Variants in PCDHGB2 observed in about 807,000 individuals in gnomAD.
PCDHGB2 encodes the protein protocadherin gamma-B2.
Under a neutral mutation model 59.3 loss-of-function variants are expected in PCDHGB2, and 55 were observed. The observed-to-expected ratio is 0.93, with a 90% CI of 0.75 to 1.16. PCDHGB2 has a LOEUF of 1.16. PCDHGB2 is among the 50% of genes most tolerant of loss of function. PCDHGB2 has a pLI of 0.00. For synonymous variants in PCDHGB2, 516 were observed against 512.0 expected (o/e 1.01, Z -0.11); for missense variants, 1,228 against 1,198.5 (o/e 1.02, Z -0.36).
intron 1 of PCDHGB2, among the ~76,000 whole-genome samples, chr5:141,460,934 G>GTA (rs2099001529): frequency 2.7e-5 from 4 of 149,622 alleles, no homozygotes; most frequent in African/African-American, 9.9e-5. Context: ...ATGTGTGTGT[G>GTA]TATATATATG....
intron 1 of PCDHGB2, among the ~76,000 whole-genome samples, chr5:141,435,099 TA>T (rs892317840): frequency 2.0e-5 from 3 of 152,260 alleles, no homozygotes; most frequent in African/African-American, 7.2e-5. Context: ...TCTGTTTATC[TA>T]GGGGGGAGAA....
chr5:141,485,151 T>G lies in PCDHGB2; in HGVS notation c.2422-9656T>G. The G allele has an allele frequency of 2.5e-6, 4 of 1,584,876 alleles. No individual in the cohort carries two copies. Among genetic ancestry groups the G allele is most frequent in the Non-Finnish European group, 3.5e-6 (4 of 1,156,528 alleles). ...GCTTCATCCGCGTCTCAGGAGCAAG[T>G]AGAGAATTAGCGGGCGGCAGCAATG... On this transcript the variant is annotated intron_variant, in intron 1 of 3. Coordinates refer to ENST00000522605, the MANE Select transcript of PCDHGB2 (RefSeq NM_018923.3). The surrounding 1 kb of genome is among the most constrained non-coding windows in gnomAD (Gnocchi z 5.7).
At chr5:141,404,287 C>A in intron 1 of PCDHGB2, 1 of 1,613,976 alleles carries the variant, frequency 6.2e-7, no homozygotes, top group Non-Finnish European at 8.5e-7. Flanking sequence ...TGACTGACAT[C>A]AATGATAATC....
chr5:141,388,395 C>G (rs1445370262), intron 1 of PCDHGB2: 2 of 1,613,810 alleles, frequency 1.2e-6, no homozygotes, highest in Non-Finnish European at 8.5e-7. Flanking sequence ...GCAGAATTAC[C>G]AACTCAGTCC....
Position 141,394,179 on chromosome 5 carries a change from T to C in PCDHGB2, c.2421+31623T>C. The C allele has an allele frequency of 2.5e-6, 4 of 1,613,868 alleles. No individual in the cohort carries two copies. The South Asian group carries it at 4.4e-5, about 18-fold the overall frequency. On this transcript the variant is annotated intron_variant, in intron 1 of 3. Coordinates refer to ENST00000522605, the MANE Select transcript of PCDHGB2 (RefSeq NM_018923.3). ...CAACCCTCCTACTTTCCCTCATGCC[T>C]CCTACTCAGCGTATATCCTAGAGAA...
chr5:141,443,848 G>A lies in PCDHGB2; in HGVS notation c.2422-50959G>A, dbSNP rs528933391. 2.6e-5 allele frequency among the ~76,000 whole-genome samples: 4 copies of A among 152,272 alleles called. No individual in the cohort carries two copies. The South Asian group carries it at 8.3e-4, about 32-fold the overall frequency. ...TTAGGTAAAATGGGTAATATGGAAA[G>A]TCTGAAAACTGAAAAAATTACTGAT... On this transcript the variant is annotated intron_variant, in intron 1 of 3. Transcript: ENST00000522605.
chr5:141,413,256 A>G (rs1255086187), intron 1 of PCDHGB2: 2 of 1,613,946 alleles, frequency 1.2e-6, no homozygotes, highest in Admixed American at 1.7e-5. Context: ...TCGGGATTCC[A>G]TGGGAGGCTG....
At chr5:141,364,980 G>C in intron 1 of PCDHGB2, 1 of 1,613,870 alleles carries the variant, frequency 6.2e-7, no homozygotes, top group Middle Eastern at 1.6e-4. Flanking sequence ...GCTTTAGATG[G>C]CGGAGACCCG....
intron 1 of PCDHGB2, chr5:141,422,174 A>G (rs763681065): frequency 5.1e-6 from 8 of 1,564,176 alleles, no homozygotes; most frequent in African/African-American, 2.8e-5. Flanking sequence ...TATAGATTCT[A>G]TGAGATGGAA....
intron 1 of PCDHGB2, among the ~76,000 whole-genome samples, chr5:141,438,454 T>C (rs2097961593): frequency 6.6e-6 from 1 of 151,734 alleles, no homozygotes; most frequent in Admixed American, 6.6e-5. Flanking sequence ...AATACAATGC[T>C]TGAGTTCAAT....
chr5:141,486,090 G>T lies in PCDHGB2; in HGVS notation c.2422-8717G>T, dbSNP rs190955361. 2.5e-6 allele frequency: 4 copies of T among 1,614,086 alleles called. No individual in the cohort carries two copies. In the East Asian group the frequency reaches 8.9e-5, roughly 36 times the overall value. On this transcript the variant is annotated intron_variant, in intron 1 of 3. Transcript: ENST00000522605. This position sits in a 1 kb window ranked among gnomAD's most constrained non-coding sequence, Gnocchi z 5.0. Reference sequence around the variant, plus strand: ...ACTACTGGAAAGCTTACTCTTTTGGGGCCCCTAGACTTTGAGAGTGAGAAT... The same window carrying T: ...ACTACTGGAAAGCTTACTCTTTTGGTGCCCCTAGACTTTGAGAGTGAGAAT...
intron 1 of PCDHGB2, chr5:141,422,560 G>T (rs2096656228): frequency 6.2e-7 from 1 of 1,614,032 alleles, no homozygotes; most frequent in East Asian, 2.2e-5. Context: ...GAATGTGGCA[G>T]ATGACAACGA....
At position 141,410,559 on chromosome 5, in the gene PCDHGB2, G is replaced by A. The variant is rs1239897819; in HGVS notation, c.2421+48003G>A. 9.9e-6 allele frequency: 16 copies of A among 1,612,722 alleles called. No individual in the cohort carries two copies. Among genetic ancestry groups the A allele is most frequent in the African/African-American group, 5.3e-5 (4 of 74,894 alleles). On this transcript the variant is annotated intron_variant, in intron 1 of 3. Transcript: ENST00000522605. ...GACATGGTTTGCAGTGTTTCTCCTG[G>A]AGCCTTAATTCCACCTCATGGTGGG...
rs573308473 is a variant in PCDHGB2 at position 141,362,045 on chromosome 5, C to T, written c.1910C>T (p.Ala637Val). The change falls in exon 1 of 4, where the codon GCG (alanine) becomes GTG (valine). Residue 637 changes from alanine to valine, a missense_variant. By Grantham distance (64) the Ala-to-Val change is moderately conservative. Coordinates refer to ENST00000522605, the MANE Select transcript of PCDHGB2 (RefSeq NM_018923.3). ...RTARALGDRD[A>V]ARQRLLVAVR... The stretch of plus-strand genomic sequence containing the variant: ...GCGCGTGCCTTGGGCGACAGGGACG[C>T]GGCCCGCCAGCGCCTGCTGGTCGCT... 3.1e-6 allele frequency: 5 copies of T among 1,610,542 alleles called. No individual in the cohort carries two copies. Among genetic ancestry groups the T allele is most frequent in the Non-Finnish European group, 4.2e-6 (5 of 1,179,462 alleles).
intron 1 of PCDHGB2, chr5:141,417,635 G>C (rs1195744332): frequency 1.4e-6 from 1 of 724,902 alleles, no homozygotes; most frequent in Non-Finnish European, 2.1e-6. Flanking sequence ...CTGACGCCGG[G>C]GATCCCTCAG....
In PCDHGB2 at chr5:141,493,482, G is replaced by T. The variant is rs184736387; in HGVS notation, c.2422-1325G>T. The stretch of plus-strand genomic sequence containing the variant: ...TTTTAGGACCTTACATGTGGGGAAA[G>T]TCTTCTGTGGCTCCTCATTTCTGAG... On this transcript the variant is annotated intron_variant, in intron 1 of 3. Coordinates refer to ENST00000522605, the MANE Select transcript of PCDHGB2 (RefSeq NM_018923.3). The surrounding 1 kb of genome is among the most constrained non-coding windows in gnomAD (Gnocchi z 4.3). 6.6e-6 allele frequency among the ~76,000 whole-genome samples: 1 copy of T among 152,206 alleles called. No individual in the cohort carries two copies. Among genetic ancestry groups the T allele is most frequent in the Admixed American group, 6.5e-5 (1 of 15,282 alleles).
At chr5:141,389,889 G>T (rs1190060148) in intron 1 of PCDHGB2, 1 of 1,614,086 alleles carries the variant, frequency 6.2e-7, no homozygotes, top group South Asian at 1.1e-5. Context: ...CTTGCAGGAG[G>T]TGCTGCCGGA....
At chr5:141,423,332 C>T in intron 1 of PCDHGB2, 1 of 1,614,198 alleles carries the variant, frequency 6.2e-7, no homozygotes, top group South Asian at 1.1e-5. Flanking sequence ...GCCGCAGTCT[C>T]CTGCATCTTC....
intron 2 of PCDHGB2, among the ~76,000 whole-genome samples, chr5:141,505,113 G>A (rs1254889990): frequency 6.6e-6 from 1 of 152,178 alleles, no homozygotes; most frequent in East Asian, 1.9e-4. Context: ...AATGAGCCAA[G>A]ATCGCGCCAC....
Sources: allele counts gnomAD v4.1 joint callset (sites outside exome capture counted in the v4.1 genomes callset), GRCh38; gene constraint gnomAD v4.1.1; non-coding constraint Gnocchi (gnomAD v3.1); transcripts MANE v1.5; gene names NCBI Gene and HGNC (gene_info 2026-07-23, HGNC 2026-07-21).